The following RNF217 variants were observed in gnomAD, a reference collection of about 807,000 sequenced individuals.
The protein encoded by RNF217 is ring finger protein 217.
RNF217 carries 31 observed loss-of-function variants against 57.8 expected under a neutral mutation model. The ratio of observed to expected loss-of-function variants is 0.54; its 90% confidence interval spans 0.40 to 0.72. RNF217 has a LOEUF of 0.72. Among genes scored for constraint, RNF217 ranks in the 30% least tolerant of loss-of-function variants. The pLI is 0.00. For missense variants in RNF217, 696 were observed against 708.3 expected, an observed-to-expected ratio of 0.98 and a Z score of 0.20; for synonymous variants, 313 against 294.0, an observed-to-expected ratio of 1.06 and a Z score of -0.66.
At chr6:125,080,147 C>A (rs969403335) in intron 4 of RNF217, among the ~76,000 whole-genome samples, 7 of 152,026 alleles carry the variant, frequency 4.6e-5, no homozygotes, top group Admixed American at 6.6e-5. Context: ...AAAACACATT[C>A]TTTTAAAATA....
chr6:125,046,898 G>A (rs1787118042), intron 2 of RNF217, among the ~76,000 whole-genome samples: 1 of 151,776 alleles, frequency 6.6e-6, no homozygotes, highest in Non-Finnish European at 1.5e-5. Flanking sequence ...ATAACTGTTA[G>A]AAAAAAATCC....
At chr6:125,063,485 G>T (rs1337008258) in intron 3 of RNF217, among the ~76,000 whole-genome samples, 1 of 152,080 alleles carries the variant, frequency 6.6e-6, no homozygotes, top group Non-Finnish European at 1.5e-5. Flanking sequence ...CTCTTTGTTT[G>T]TGGTGTTATC....
chr6:125,034,023 C>T (rs1464689041), intron 1 of RNF217, among the ~76,000 whole-genome samples: 25 of 151,910 alleles, frequency 1.6e-4, no homozygotes, highest in African/African-American at 5.8e-4. Context: ...ATATCCTTTG[C>T]CCACTTTTTG....
Position 124,963,020 on chromosome 6 carries a change from A to T in RNF217, c.476A>T (p.Lys159Met). 3 of 1,594,254 alleles carry T rather than the reference A, an allele frequency of 1.9e-6. No homozygotes were observed. Among genetic ancestry groups the T allele is most frequent in the Non-Finnish European group, 2.5e-6 (3 of 1,178,082 alleles). Residue 159 changes from lysine to methionine, a missense_variant, in exon 1 of 6, where the codon AAG (lysine) becomes ATG (methionine). By Grantham distance (95) the Lys-to-Met change is moderately conservative. This residue lies in a region of RNF217 where 465 missense variants were observed against 386.8 expected (regional missense o/e 1.20). Coordinates refer to ENST00000521654, the MANE Select transcript of RNF217 (RefSeq NM_001286398.3). Reference protein sequence around the residue: ...VLGQRRPSLAKRQVFCSVYCV... With the variant: ...VLGQRRPSLAMRQVFCSVYCV... Reference sequence around the variant, plus strand: ...GGTCAGCGGCGCCCGTCCCTCGCCAAGAGACAAGTCTTCTGCTCCGTGTAC... The same window carrying T: ...GGTCAGCGGCGCCCGTCCCTCGCCATGAGACAAGTCTTCTGCTCCGTGTAC...
At chr6:125,013,647 G>A (rs1442407634) in intron 1 of RNF217, among the ~76,000 whole-genome samples, 1 of 151,918 alleles carries the variant, frequency 6.6e-6, no homozygotes, top group Non-Finnish European at 1.5e-5. Flanking sequence ...ATGTTAAATA[G>A]CACAGTAAAA....
intron 1 of RNF217, 100 bp downstream of exon 1, chr6:124,963,526 G>T (rs1315106934): frequency 8.3e-6 from 11 of 1,332,718 alleles, no homozygotes; most frequent in Non-Finnish European, 9.9e-6. Context: ...AGAGGTGACC[G>T]ACACACTTAC....
intron 1 of RNF217, among the ~76,000 whole-genome samples, chr6:125,032,206 G>T (rs1241711281): frequency 6.6e-6 from 1 of 152,080 alleles, no homozygotes; most frequent in Non-Finnish European, 1.5e-5. Context: ...CATATCAGCT[G>T]CTTTCTCCAC....
intron 2 of RNF217, among the ~76,000 whole-genome samples, chr6:125,054,272 G>A (rs1449001567): frequency 6.6e-6 from 1 of 152,202 alleles, no homozygotes; most frequent in African/African-American, 2.4e-5. Flanking sequence ...GACTCTTCCA[G>A]TTACCAGAAG....
At chr6:125,045,509 C>A in intron 2 of RNF217, 65 bp downstream of exon 2, 2 of 1,237,608 alleles carry the variant, frequency 1.6e-6, no homozygotes, top group South Asian at 1.4e-5. Context: ...ATTAGATCCA[C>A]TTGTCGTGGG....
At chr6:125,071,484 ATGTGTGTGTG>A (rs61496685) in intron 3 of RNF217, among the ~76,000 whole-genome samples, 2,272 of 136,778 alleles carry the variant, frequency 0.017, 27 homozygotes, top group African/African-American at 0.029. Flanking sequence ...CTGCCTACAT[ATGTGTGTGTG>A]TGTGTGTGTG....
chr6:125,070,701 T>C (rs1188165095), intron 3 of RNF217, among the ~76,000 whole-genome samples: 2 of 152,192 alleles, frequency 1.3e-5, no homozygotes, highest in Non-Finnish European at 2.9e-5. Context: ...TTTGTTTGAG[T>C]TTCAGGAAAT....
At chr6:125,021,582 T>C (rs910972323) in intron 1 of RNF217, among the ~76,000 whole-genome samples, 4 of 152,076 alleles carry the variant, frequency 2.6e-5, no homozygotes, top group Admixed American at 1.3e-4. Flanking sequence ...GCTTACCTTA[T>C]GTTACATGGA....
At chr6:125,045,881 G>C (rs1787078978) in intron 2 of RNF217, among the ~76,000 whole-genome samples, 1 of 151,866 alleles carries the variant, frequency 6.6e-6, no homozygotes, top group Non-Finnish European at 1.5e-5. Flanking sequence ...ACAGAATGCT[G>C]TATATGCTAG....
At chr6:125,070,971 T>C (rs553237199) in intron 3 of RNF217, among the ~76,000 whole-genome samples, 1 of 152,306 alleles carries the variant, frequency 6.6e-6, no homozygotes, top group Non-Finnish European at 1.5e-5. Flanking sequence ...ACTGATTTAG[T>C]CATAAAACAT....
intron 5 of RNF217, among the ~76,000 whole-genome samples, chr6:125,082,004 T>C (rs1401248312): frequency 6.6e-6 from 1 of 152,118 alleles, no homozygotes; most frequent in Non-Finnish European, 1.5e-5. Flanking sequence ...TGCATAGTTT[T>C]ATTTATGCAA....
chr6:125,024,696 G>A lies in RNF217; in HGVS notation c.883-20515G>A, dbSNP rs1445645255. Among the ~76,000 whole-genome samples, 4 of 149,996 alleles carry A rather than the reference G, an allele frequency of 2.7e-5. No homozygotes were observed. In the East Asian group the frequency reaches 5.9e-4, roughly 22 times the overall value. On this transcript the variant is annotated intron_variant, in intron 1 of 5. Transcript: ENST00000521654. ...GATCATGCCACTGCACTCCAGCCTG[G>A]GTGACAGGGTAAGACTCTGTCTCAA... is the stretch of plus-strand genomic sequence containing the variant.
chr6:125,085,035 A>G lies in RNF217; in HGVS notation c.*2098A>G, dbSNP rs539267670. On this transcript the variant is annotated 3_prime_UTR_variant, in exon 6 of 6. Coordinates refer to ENST00000521654, the MANE Select transcript of RNF217 (RefSeq NM_001286398.3). Reference sequence around the variant, plus strand: ...TGTATGATGTATATATGTCATATGTATGATATATATGAAATATTCCCATAA... The same window carrying G: ...TGTATGATGTATATATGTCATATGTGTGATATATATGAAATATTCCCATAA... The G allele has an allele frequency of 6.6e-6, 1 of 152,040 alleles. No homozygotes were observed. Among genetic ancestry groups the G allele is most frequent in the Non-Finnish European group, 1.5e-5 (1 of 67,850 alleles). The allele number at this position is 152,040 out of a possible 1,614,324, so 9.4% of individuals were successfully genotyped here. A position where few individuals can be genotyped will look rare whatever the true frequency, so the allele number is the denominator to read the frequency against.
At chr6:124,994,429 C>G (rs1784673591) in intron 1 of RNF217, among the ~76,000 whole-genome samples, 1 of 152,158 alleles carries the variant, frequency 6.6e-6, no homozygotes, top group African/African-American at 2.4e-5. Context: ...ATAATCATTT[C>G]TTAATATCAT....
chr6:124,963,066 C>T lies in RNF217; in HGVS notation c.522C>T (p.Pro174=), dbSNP rs752110814. The T allele has an allele frequency of 3.6e-5, 56 of 1,561,904 alleles. No homozygotes were observed. Among genetic ancestry groups the T allele is most frequent in the Non-Finnish European group, 4.6e-5 (54 of 1,161,768 alleles). The change falls in exon 1 of 6, where the codon CCC becomes CCT. Residue 174 remains proline (P), a synonymous_variant. Transcript: ENST00000521654. ...TGTACTGCGTGGAGAGCGACCTGCCCGAGGCCCCCGCCTCGGAGCAGCTCT... is the reference window on the plus strand; with the variant it reads ...TGTACTGCGTGGAGAGCGACCTGCCTGAGGCCCCCGCCTCGGAGCAGCTCT... ...CSVYCVESDL[P]EAPASEQLSP... is the part of the protein sequence containing the mutation.
Sources: gnomAD v4.1 joint callset for allele counts (sites outside exome capture counted in the v4.1 genomes callset) on GRCh38, gnomAD v4.1.1 for gene constraint, gnomAD v4.1.1 regional missense constraint, MANE v1.5 for transcripts, NCBI Gene and HGNC (gene_info 2026-07-23, HGNC 2026-07-21) for gene names.